Variants in TOP1 observed in about 807,000 individuals in gnomAD.
TOP1 encodes the protein DNA topoisomerase 1.
TOP1 carries 10 observed loss-of-function variants against 111.1 expected under a neutral mutation model. The ratio of observed to expected loss-of-function variants is 0.09; its 90% CI spans 0.06 to 0.15. The LOEUF (loss-of-function observed/expected upper bound fraction) is 0.15. Among genes scored for constraint, TOP1 ranks in the 10% least tolerant of loss-of-function variants. The pLI, the probability that TOP1 is intolerant of heterozygous loss-of-function variation, is 1.00. For missense variants in TOP1, 474 were observed against 926.7 expected (o/e 0.51, Z 6.34); for synonymous variants, 271 against 302.9 (o/e 0.89, Z 1.10).
At chr20:41,103,190 C>T (rs745818728) in intron 13 of TOP1, among the ~76,000 whole-genome samples, 1 of 152,176 alleles carries the variant, frequency 6.6e-6, no homozygotes, top group Non-Finnish European at 1.5e-5. Flanking sequence ...AAAACATTTG[C>T]ACATAAGTTA....
chr20:41,103,263 A>G (rs1379728215), intron 13 of TOP1, among the ~76,000 whole-genome samples: 1 of 152,248 alleles, frequency 6.6e-6, no homozygotes, highest in East Asian at 1.9e-4. Flanking sequence ...ATAGATGAGT[A>G]AATTTAGTCT....
intron 14 of TOP1, among the ~76,000 whole-genome samples, chr20:41,113,261 C>T (rs1304987568): frequency 6.6e-6 from 1 of 152,148 alleles, no homozygotes; most frequent in African/African-American, 2.4e-5. Flanking sequence ...AAAAAAAGTT[C>T]ATGTTTTTCC....
At chr20:41,052,883 G>A (rs923642961) in intron 2 of TOP1, among the ~76,000 whole-genome samples, 2 of 152,116 alleles carry the variant, frequency 1.3e-5, no homozygotes, top group Non-Finnish European at 2.9e-5. Context: ...CCAGCTACTC[G>A]GGAGCCTGAG....
At chr20:41,039,777 G>A (rs902610142) in intron 2 of TOP1, among the ~76,000 whole-genome samples, 7 of 152,052 alleles carry the variant, frequency 4.6e-5, no homozygotes, top group Admixed American at 2.0e-4. Flanking sequence ...GCGTGGTGGC[G>A]GGCGCCTGTA....
intron 2 of TOP1, among the ~76,000 whole-genome samples, chr20:41,033,644 C>G (rs1304823253): frequency 2.0e-5 from 3 of 152,028 alleles, no homozygotes; most frequent in African/African-American, 7.2e-5. Context: ...GAAAATGATT[C>G]TGTTGTGCTT....
rs35774143 is a variant in TOP1 at position 41,095,348 on chromosome 20, AT to A, written c.731-1863del. Among the ~76,000 whole-genome samples, 2 of 151,058 alleles carry A rather than the reference AT, an allele frequency of 1.3e-5. No individual in the cohort carries two copies. The highest frequency in any genetic ancestry group is 2.1e-4 in the South Asian group (1 of 4,792). ...GATGTGAACCACCATGCTCAGCCAC[AT>A]TTTTTTTTAAATGGTGTTAACAGTT... On this transcript the variant is annotated intron_variant, in intron 9 of 20. Transcript: ENST00000361337. This position sits in a 1 kb window ranked among gnomAD's most constrained non-coding sequence, Gnocchi z 4.6.
rs1364546569 is a variant in TOP1 at position 41,101,705 on chromosome 20, G to A, written c.1308+352G>A. Among the ~76,000 whole-genome samples the A allele has an allele frequency of 6.6e-6, 1 of 152,228 alleles. No individual in the cohort carries two copies. The highest frequency in any genetic ancestry group is 1.5e-5 in the Non-Finnish European group (1 of 68,044). On this transcript the variant is annotated intron_variant, in intron 13 of 20. Coordinates refer to ENST00000361337, the MANE Select transcript of TOP1 (RefSeq NM_003286.4). The surrounding 1 kb of genome is among the most constrained non-coding windows in gnomAD (Gnocchi z 4.1). ...CAGAATGTGTTGAAGTATGGTGATT[G>A]TATATTGGCCTCTGCAGATGTCTTC...
In TOP1 at chr20:41,061,454, A is replaced by G. The variant is rs1457507702; in HGVS notation, c.119A>G (p.Lys40Arg). The G allele has an allele frequency of 1.2e-6, 2 of 1,612,490 alleles. No individual in the cohort carries two copies. Among genetic ancestry groups the G allele is most frequent in the Non-Finnish European group, 1.7e-6 (2 of 1,179,144 alleles). Residue 40 changes from lysine (K) to arginine (R), a missense_variant, in exon 3 of 21, where the codon AAG becomes AGG. Physicochemically the swap from Lys to Arg is conservative, Grantham distance 26 (BLOSUM62 2). Coordinates refer to ENST00000361337, the MANE Select transcript of TOP1 (RefSeq NM_003286.4). This position sits in a 1 kb window ranked among gnomAD's most constrained non-coding sequence, Gnocchi z 4.6. Reference protein sequence around the residue: ...DREHRHKEHKKEKDREKSKHS... With the variant: ...DREHRHKEHKREKDREKSKHS... ...GAACACCGGCACAAAGAACACAAGA[A>G]GGAGAAGGACCGGGAAAAGTCCAAG...
At chr20:41,070,881 G>A (rs552441886) in intron 3 of TOP1, among the ~76,000 whole-genome samples, 12 of 152,322 alleles carry the variant, frequency 7.9e-5, no homozygotes, top group African/African-American at 2.9e-4. Context: ...TCTCTTTAGA[G>A]GTAGTTCCTT....
At chr20:41,041,643 A>G (rs1474222778) in intron 2 of TOP1, among the ~76,000 whole-genome samples, 1 of 152,016 alleles carries the variant, frequency 6.6e-6, no homozygotes, top group African/African-American at 2.4e-5. Flanking sequence ...CCTGGGGATG[A>G]TTGGTGAAAA....
Position 41,097,161 on chromosome 20 carries a change from T to C in TOP1, c.731-59T>C. Reference sequence around the variant, plus strand: ...TTAAAGAGAATTCGCTAGCCCTGGGTATTTATGCTTAGAACATGAATACTA... The same window carrying C: ...TTAAAGAGAATTCGCTAGCCCTGGGCATTTATGCTTAGAACATGAATACTA... On this transcript the variant is annotated intron_variant, in intron 9 of 20. Transcript: ENST00000361337. This position sits in a 1 kb window ranked among gnomAD's most constrained non-coding sequence, Gnocchi z 4.2. 6.3e-7 allele frequency: 1 copy of C among 1,583,588 alleles called. No homozygotes were observed. Among genetic ancestry groups the C allele is most frequent in the Non-Finnish European group, 8.6e-7 (1 of 1,166,114 alleles).
intron 11 of TOP1, 110 bp from the exon 12 acceptor site, chr20:41,099,946 G>T: frequency 1.5e-6 from 1 of 685,106 alleles, no homozygotes; most frequent in Non-Finnish European, 2.3e-6. Context: ...ATTTTTTAGT[G>T]ATTTTTCAGA....
intron 3 of TOP1, among the ~76,000 whole-genome samples, chr20:41,063,781 G>A (rs1194106483): frequency 6.6e-6 from 1 of 151,288 alleles, no homozygotes; most frequent in Non-Finnish European, 1.5e-5. Context: ...TTTTTTAATG[G>A]GGTTACTTGT....
chr20:41,044,242 C>T (rs186465935), intron 2 of TOP1, among the ~76,000 whole-genome samples: 1 of 152,254 alleles, frequency 6.6e-6, no homozygotes, highest in Admixed American at 6.5e-5. Context: ...TGCCATTGCA[C>T]TCCAGCAGGG....
chr20:41,072,919 C>G (rs765139501), intron 3 of TOP1: 1 of 985,382 alleles, frequency 1.0e-6, no homozygotes, highest in Non-Finnish European at 1.2e-6. Flanking sequence ...GACTTGGCTT[C>G]CTTTGGAAAG....
Position 41,079,372 on chromosome 20 carries a change from G to A in TOP1, c.336-713G>A, listed in dbSNP as rs543616429. Among the ~76,000 whole-genome samples the A allele has an allele frequency of 6.6e-6, 1 of 152,228 alleles. No homozygotes were observed. The highest frequency in any genetic ancestry group is 1.5e-5 in the Non-Finnish European group (1 of 68,010). On this transcript the variant is annotated intron_variant, in intron 5 of 20. Coordinates refer to ENST00000361337, the MANE Select transcript of TOP1 (RefSeq NM_003286.4). The surrounding 1 kb of genome is among the most constrained non-coding windows in gnomAD (Gnocchi z 4.0). ...TTTTACTTGTTCCTTCTCTGTTTTG[G>A]TTCAAGATGTTTGTCTCAAAGGATT...
At position 41,031,442 on chromosome 20, in the gene TOP1, G is replaced by A. The variant is rs905044531; in HGVS notation, c.58+1987G>A. ...CTTACATGGTTCTCACCTAAGTCAC[G>A]TGAATGATTGTGAGCTGGCTAGGTT... On this transcript the variant is annotated intron_variant, in intron 2 of 20. Transcript: ENST00000361337. Among the ~76,000 whole-genome samples, 5 of 152,202 alleles carry A rather than the reference G, an allele frequency of 3.3e-5. No homozygotes were observed. The East Asian group carries it at 5.8e-4, about 18-fold the overall frequency.
At chr20:41,117,753 G>A (rs555451726) in intron 17 of TOP1, among the ~76,000 whole-genome samples, 1 of 152,116 alleles carries the variant, frequency 6.6e-6, no homozygotes, top group Non-Finnish European at 1.5e-5. Flanking sequence ...TGGAGAGGTG[G>A]GGAGGTAGGA....
intron 8 of TOP1, among the ~76,000 whole-genome samples, chr20:41,089,642 T>G (rs959252675): frequency 6.6e-6 from 1 of 152,222 alleles, no homozygotes; most frequent in Non-Finnish European, 1.5e-5. Flanking sequence ...GTTTGAATAT[T>G]GAGTATATTC....
Sources: allele counts gnomAD v4.1 joint callset (sites outside exome capture counted in the v4.1 genomes callset), GRCh38; gene constraint gnomAD v4.1.1; non-coding constraint Gnocchi (gnomAD v3.1); transcripts MANE v1.5; gene names NCBI Gene and HGNC (gene_info 2026-07-23, HGNC 2026-07-21).